SH2D3C: variants seen among roughly 807,000 people sequenced by gnomAD.
SH2D3C encodes the protein SH2 domain containing 3C.
SH2D3C carries 25 observed loss-of-function variants against 75.2 expected under a neutral mutation model. The ratio of observed to expected loss-of-function variants is 0.33; its 90% confidence interval spans 0.24 to 0.46. The LOEUF (loss-of-function observed/expected upper bound fraction) is 0.46, where lower values mean the gene tolerates loss of function less well. SH2D3C is among the 20% of genes least tolerant of loss of function. The probability of loss-of-function intolerance (pLI) is 1.00; values close to 1 mark genes in which losing one functional copy is unlikely to be tolerated. For missense variants in SH2D3C, 933 were observed against 1,165.3 expected (o/e 0.80, Z 2.90); for synonymous variants, 450 against 473.7 (o/e 0.95, Z 0.65).
At position 127,738,777 on chromosome 9, in the gene SH2D3C, A is replaced by T. The variant is rs1168485910; in HGVS notation, c.2552T>A (p.Leu851Gln). The T allele has an allele frequency of 1.2e-6, 2 of 1,608,250 alleles. No homozygotes were observed. The highest frequency in any genetic ancestry group is 8.5e-7 in the Non-Finnish European group (1 of 1,177,496). Residue 851 changes from leucine (L) to glutamine (Q), a missense_variant, in exon 12 of 12, where the codon CTG becomes CAG. Physicochemically the swap from Leu to Gln is moderately radical, Grantham distance 113. Coordinates refer to ENST00000314830, the MANE Select transcript of SH2D3C (RefSeq NM_170600.3). This position sits in a 1 kb window ranked among gnomAD's most constrained non-coding sequence, Gnocchi z 5.0. Reference protein sequence around the residue: ...DKVLTALSHKLEPAVRSSEL With the variant: ...DKVLTALSHKQEPAVRSSEL ...CTCGCTGGAGCGGACAGCAGGTTCC[A>T]GCTTGTGGGACAGGGCAGTGAGGAC...
chr9:127,774,286 C>T lies in SH2D3C; in HGVS notation c.219G>A (p.Met73Ile). ...SPPAYARSSD[M>I]YSHMGTMPRP... ...GAGGCATGGTGCCCATGTGGCTGTA[C>T]ATGTCACTGGAGCGGGCATAGGCTG... Residue 73 changes from methionine to isoleucine, a missense_variant, in exon 2 of 12, where the codon ATG becomes ATA. Physicochemically the swap from Met to Ile is conservative, Grantham distance 10. Coordinates refer to ENST00000314830, the MANE Select transcript of SH2D3C (RefSeq NM_170600.3). This position sits in a 1 kb window ranked among gnomAD's most constrained non-coding sequence, Gnocchi z 4.3. The T allele has an allele frequency of 1.9e-6, 3 of 1,614,118 alleles. No homozygotes were observed. In the South Asian group the frequency reaches 3.3e-5, roughly 18 times the overall value.
At chr9:127,752,525 C>T (rs907772090) in intron 3 of SH2D3C, among the ~76,000 whole-genome samples, 1 of 152,030 alleles carries the variant, frequency 6.6e-6, no homozygotes, top group Non-Finnish European at 1.5e-5. Flanking sequence ...CTCCCTGGGG[C>T]CCCTCGCTCC....
rs1177516300 is a variant in SH2D3C at position 127,749,328 on chromosome 9, G to A, written c.1022C>T (p.Pro341Leu). The change falls in exon 5 of 12, where the codon CCT (proline) becomes CTT (leucine). Residue 341 changes from proline (P) to leucine (L), a missense_variant. Pro to Leu is a moderately conservative substitution (Grantham distance 98). Coordinates refer to ENST00000314830, the MANE Select transcript of SH2D3C (RefSeq NM_170600.3). This position sits in a 1 kb window ranked among gnomAD's most constrained non-coding sequence, Gnocchi z 5.9. Reference protein sequence around the residue: ...SYGLGQGSSKPASPVSPSGPK... With the variant: ...SYGLGQGSSKLASPVSPSGPK... ...GCCTGAGGGGCTGACGGGGCTAGCA[G>A]GCTTGCTACTCCCCTGTCCCAGGCC... 6.2e-7 allele frequency: 1 copy of A among 1,612,756 alleles called. No individual in the cohort carries two copies. Among genetic ancestry groups the A allele is most frequent in the Non-Finnish European group, 8.5e-7 (1 of 1,179,500 alleles).
chr9:127,740,864 G>A (rs1844834398), intron 9 of SH2D3C, among the ~76,000 whole-genome samples: 1 of 152,090 alleles, frequency 6.6e-6, no homozygotes, highest in South Asian at 2.1e-4. Context: ...TGTATTTTTA[G>A]TAGAGACGGG....
chr9:127,741,660 G>T, intron 9 of SH2D3C, 128 bp downstream of exon 9: 2 of 1,155,604 alleles, frequency 1.7e-6, no homozygotes, highest in South Asian at 1.6e-5. Context: ...CAGTTCTCCC[G>T]GGTAGTCTCA....
intron 7 of SH2D3C, among the ~76,000 whole-genome samples, chr9:127,743,552 C>G (rs1844929697): frequency 6.6e-6 from 1 of 152,110 alleles, no homozygotes; most frequent in South Asian, 2.1e-4. Flanking sequence ...AGGTTAAGAG[C>G]TGGATACTTG....
chr9:127,761,338 G>A (rs941877156), intron 3 of SH2D3C, among the ~76,000 whole-genome samples: 13 of 152,192 alleles, frequency 8.5e-5, no homozygotes, highest in Non-Finnish European at 1.5e-4. Flanking sequence ...TTGGGGCCCC[G>A]TCCAGCTGGC....
chr9:127,758,822 C>G (rs1845456998), intron 3 of SH2D3C, among the ~76,000 whole-genome samples: 1 of 152,248 alleles, frequency 6.6e-6, no homozygotes. Context: ...AGCTCTCCAG[C>G]TCCCCAACTA....
chr9:127,764,675 C>T (rs10760497), intron 2 of SH2D3C, among the ~76,000 whole-genome samples: 78,316 of 151,976 alleles, frequency 0.52, 21,370 homozygotes, highest in East Asian at 0.96. Flanking sequence ...AGATATCCCC[C>T]GGGTTCCCTC....
intron 2 of SH2D3C, among the ~76,000 whole-genome samples, chr9:127,770,331 G>T (rs1400716346): frequency 6.6e-6 from 1 of 152,126 alleles, no homozygotes; most frequent in Non-Finnish European, 1.5e-5. Flanking sequence ...CTTAGGCCTG[G>T]GATGGCCTCC....
In SH2D3C at chr9:127,739,584, A is replaced by G; in HGVS notation, c.2407+98T>C. 9.3e-7 allele frequency: 1 copy of G among 1,076,414 alleles called. No individual in the cohort carries two copies. The allele number at this position is 1,076,414 out of a possible 1,614,324, so 66.7% of individuals were successfully genotyped here. A position where few individuals can be genotyped will look rare whatever the true frequency, so the allele number is the denominator to read the frequency against. On this transcript the variant is annotated intron_variant, in intron 11 of 11. Transcript: ENST00000314830. The surrounding 1 kb of genome is among the most constrained non-coding windows in gnomAD (Gnocchi z 4.3). ...GAGACAGGGCAGGACAGAGGAGTGG[A>G]GAAATGTGAATGGATGCCTTGGAGA...
intron 3 of SH2D3C, among the ~76,000 whole-genome samples, chr9:127,753,856 G>C (rs1416846829): frequency 1.3e-5 from 2 of 152,224 alleles, no homozygotes; most frequent in African/African-American, 4.8e-5. Context: ...GCAAAGGAGG[G>C]AGGAGGCTGG....
At chr9:127,762,397 G>T in intron 2 of SH2D3C, 2 of 1,091,240 alleles carry the variant, frequency 1.8e-6, no homozygotes, top group Non-Finnish European at 2.5e-6. Flanking sequence ...ACTACCTCCT[G>T]GACGCCTCCC....
At chr9:127,755,309 C>CA in intron 3 of SH2D3C, 1 of 149,432 alleles carries the variant, frequency 6.7e-6, no homozygotes, top group Non-Finnish European at 1.4e-5. Context: ...AGCGGGGAGG[C>CA]GGGGCGGGGA....
chr9:127,738,476 AAACAGGG>A lies in SH2D3C; in HGVS notation c.*263_*269del, dbSNP rs1201569200. ...GAGCAGCCTGCCTCCCATGGCTCGA[AAACAGGG>A]AACCCCAGCAGGAAGGGGAGCAGCA... On this transcript the variant is annotated 3_prime_UTR_variant, in exon 12 of 12. Coordinates refer to ENST00000314830, the MANE Select transcript of SH2D3C (RefSeq NM_170600.3). This position sits in a 1 kb window ranked among gnomAD's most constrained non-coding sequence, Gnocchi z 5.0. 4 of 328,172 alleles carry A rather than the reference AAACAGGG, an allele frequency of 1.2e-5. No individual in the cohort carries two copies. The highest frequency in any genetic ancestry group is 1.7e-5 in the Non-Finnish European group (3 of 178,538). 20.3% of individuals were successfully genotyped at this position (328,172 alleles called of 1,614,324 possible).
At chr9:127,766,925 C>T (rs1284736785) in intron 2 of SH2D3C, 17 of 1,533,668 alleles carry the variant, frequency 1.1e-5, no homozygotes, top group Non-Finnish European at 1.4e-5. Flanking sequence ...CAACGGGCAC[C>T]TGCCTGCTCT....
intron 2 of SH2D3C, among the ~76,000 whole-genome samples, chr9:127,769,682 G>GA (rs1427256564): frequency 6.7e-6 from 1 of 148,432 alleles, no homozygotes; most frequent in Non-Finnish European, 1.5e-5. Flanking sequence ...AAGAAATAAA[G>GA]AAAAAACAAA....
intron 2 of SH2D3C, among the ~76,000 whole-genome samples, chr9:127,766,230 C>T (rs1436223043): frequency 1.3e-5 from 2 of 152,124 alleles, no homozygotes; most frequent in Non-Finnish European, 2.9e-5. Context: ...TCTGCTCTCT[C>T]TCCCTGTCTG....
chr9:127,772,494 T>C (rs1845754482), intron 2 of SH2D3C, among the ~76,000 whole-genome samples: 1 of 152,154 alleles, frequency 6.6e-6, no homozygotes, highest in Non-Finnish European at 1.5e-5. Context: ...ACTCCTGACC[T>C]TGTGATCTGC....
Sources: gnomAD v4.1 joint callset for allele counts (sites outside exome capture counted in the v4.1 genomes callset) on GRCh38, gnomAD v4.1.1 for gene constraint, Gnocchi (gnomAD v3.1) non-coding constraint, MANE v1.5 for transcripts, NCBI Gene and HGNC (gene_info 2026-07-23, HGNC 2026-07-21) for gene names.